IGF2BP3: variants seen among roughly 807,000 people sequenced by gnomAD.
IGF2BP3 encodes insulin like growth factor 2 mRNA binding protein 3.
IGF2BP3 carries 9 observed loss-of-function variants against 73.8 expected under a neutral mutation model. The ratio of observed to expected loss-of-function variants is 0.12; its 90% CI spans 0.07 to 0.21. The LOEUF is 0.21. Ranked by LOEUF, IGF2BP3 falls within the 10% of genes least tolerant of loss-of-function variation. IGF2BP3 has a pLI of 1.00. For missense variants in IGF2BP3, 542 were observed against 714.0 expected (o/e 0.76, Z 2.75); for synonymous variants, 258 against 256.7 (o/e 1.01, Z -0.05).
rs201829652 is a variant in IGF2BP3, at chr7:23,319,216, A to T, written c.1242T>A (p.Ala414=). ...TGCCGATGATGGCACCGACTGATAG[A>T]GCTGGGATAAACAGATGAACAGTCT... ...ETETVHLFIP[A]LSVGAIIGKQ... The change falls in exon 11 of 15, where the codon GCT becomes GCA. Residue 414 remains alanine (A), a synonymous_variant. Transcript: ENST00000258729. 6.2e-7 allele frequency: 1 copy of T among 1,613,720 alleles called. No individual in the cohort carries two copies. The highest frequency in any genetic ancestry group is 1.7e-5 in the Admixed American group (1 of 59,986).
chr7:23,446,242 G>A (rs1788060713), intron 2 of IGF2BP3, among the ~76,000 whole-genome samples: 1 of 152,156 alleles, frequency 6.6e-6, no homozygotes, highest in South Asian at 2.1e-4. Context: ...GTAAATTGGG[G>A]AAAGTAAAGT....
At chr7:23,334,384 C>G (rs1192760319) in intron 10 of IGF2BP3, among the ~76,000 whole-genome samples, 1 of 152,136 alleles carries the variant, frequency 6.6e-6, no homozygotes, top group African/African-American at 2.4e-5. Context: ...CTAGAACAAG[C>G]CTGTGTCAGG....
chr7:23,381,927 T>C (rs1299877288), intron 3 of IGF2BP3, among the ~76,000 whole-genome samples: 1 of 151,916 alleles, frequency 6.6e-6, no homozygotes, highest in African/African-American at 2.4e-5. Context: ...CAGTAATCAC[T>C]GGGCAAAGAT....
At chr7:23,454,057 A>T (rs1788259879) in intron 2 of IGF2BP3, among the ~76,000 whole-genome samples, 1 of 152,038 alleles carries the variant, frequency 6.6e-6, no homozygotes, top group African/African-American at 2.4e-5. Context: ...CAAACTCCTG[A>T]GCTCAAGCGA....
chr7:23,361,510 G>A, intron 5 of IGF2BP3, 24 bp downstream of exon 5: 1 of 1,587,052 alleles, frequency 6.3e-7, no homozygotes, highest in South Asian at 1.1e-5. Flanking sequence ...ATTATATATA[G>A]ATTAAAAGCT....
chr7:23,342,200 A>G lies in IGF2BP3; in HGVS notation c.1078-11T>C. 2 of 1,613,016 alleles carry G rather than the reference A, an allele frequency of 1.2e-6. No homozygotes were observed. The highest frequency in any genetic ancestry group is 1.7e-6 in the Non-Finnish European group (2 of 1,179,244). Reference sequence around the variant, plus strand: ...TAAATGTGCTTGAAGCTGCAACAGTAAAAAGGCCCCTTAATTTGACAATTA... The same window carrying G: ...TAAATGTGCTTGAAGCTGCAACAGTGAAAAGGCCCCTTAATTTGACAATTA... On this transcript the variant is annotated splice_polypyrimidine_tract_variant and intron_variant, in intron 9 of 14. Transcript: ENST00000258729.
At chr7:23,387,967 C>T (rs1198448390) in intron 3 of IGF2BP3, among the ~76,000 whole-genome samples, 2 of 151,848 alleles carry the variant, frequency 1.3e-5, no homozygotes, top group African/African-American at 2.4e-5. Context: ...GATGGAGTCT[C>T]GCTCTGTTGC....
At chr7:23,341,759 A>AAAAAAAG (rs1230349535) in intron 10 of IGF2BP3, among the ~76,000 whole-genome samples, 17 of 152,234 alleles carry the variant, frequency 1.1e-4, no homozygotes, top group African/African-American at 1.7e-4. Context: ...TTAGAATAAA[A>AAAAAAAG]AAAAAAGAAA....
chr7:23,352,278 A>ATTTTT (rs70966011), intron 5 of IGF2BP3, among the ~76,000 whole-genome samples: 2 of 73,772 alleles, frequency 2.7e-5, no homozygotes, highest in Non-Finnish European at 5.1e-5. Context: ...TCTCTTTTTC[A>ATTTTT]TTTTTTTTTT....
At chr7:23,379,080 G>A (rs1449175018) in intron 3 of IGF2BP3, among the ~76,000 whole-genome samples, 1 of 152,212 alleles carries the variant, frequency 6.6e-6, no homozygotes, top group Non-Finnish European at 1.5e-5. Context: ...CCCTCCATTA[G>A]CATTTGTTTC....
At chr7:23,418,662 G>C (rs1787260265) in intron 3 of IGF2BP3, 114 bp downstream of exon 3, 1 of 672,490 alleles carries the variant, frequency 1.5e-6, no homozygotes, top group African/African-American at 1.8e-5. Flanking sequence ...CATAGGAGAA[G>C]AATTTTATGT....
chr7:23,360,756 G>A (rs1450334599), intron 5 of IGF2BP3, among the ~76,000 whole-genome samples: 1 of 152,188 alleles, frequency 6.6e-6, no homozygotes, highest in Non-Finnish European at 1.5e-5. Context: ...CTGACACAGA[G>A]GACAGTCAGC....
In IGF2BP3 at chr7:23,325,997, T is replaced by C. The variant is rs564575053; in HGVS notation, c.1204-6743A>G. On this transcript the variant is annotated intron_variant, in intron 10 of 14. Coordinates refer to ENST00000258729, the MANE Select transcript of IGF2BP3 (RefSeq NM_006547.3). Reference sequence around the variant, plus strand: ...ACCCTAGGCATTACCATTCAGGACATAGGCATGGGCAAGGACTTCATGTCT... The same window carrying C: ...ACCCTAGGCATTACCATTCAGGACACAGGCATGGGCAAGGACTTCATGTCT... Among the ~76,000 whole-genome samples the C allele has an allele frequency of 6.6e-5, 10 of 152,252 alleles. No individual in the cohort carries two copies. In the South Asian group the frequency reaches 8.3e-4, roughly 13 times the overall value.
rs1319733336 is a variant in IGF2BP3 at position 23,368,349 on chromosome 7, A to AAG, written c.286-6610_286-6609dup. Among the ~76,000 whole-genome samples, 147 of 138,034 alleles carry AAG rather than the reference A, an allele frequency of 1.1e-3. 1 individual carries two copies. The highest frequency in any genetic ancestry group is 4.3e-3 in the African/African-American group (142 of 33,186). The allele number at this position is 138,034 out of a possible 152,430, so 90.6% of individuals were successfully genotyped here. ...AAGAAAAGAAAGAAAGAAAAAAAGA[A>AAG]AGAAAGAAAGAAAGAAAGAAAGAAA... On this transcript the variant is annotated intron_variant, in intron 3 of 14. Transcript: ENST00000258729.
intron 3 of IGF2BP3, among the ~76,000 whole-genome samples, chr7:23,399,907 A>G (rs972816117): frequency 1.8e-4 from 28 of 152,182 alleles, no homozygotes; most frequent in Non-Finnish European, 2.2e-4. Context: ...ATTCCTAAGA[A>G]AGGAATCACA....
At chr7:23,457,253 A>C (rs1427071030) in intron 2 of IGF2BP3, among the ~76,000 whole-genome samples, 1 of 152,174 alleles carries the variant, frequency 6.6e-6, no homozygotes, top group African/African-American at 2.4e-5. Context: ...ACTTGAGGTC[A>C]GGAGTTCAGA....
Position 23,312,825 on chromosome 7 carries a change from T to G in IGF2BP3, c.1551A>C (p.Ser517=), listed in dbSNP as rs1193458209. The G allele has an allele frequency of 4.4e-6, 7 of 1,608,776 alleles. No individual in the cohort carries two copies. Among genetic ancestry groups the G allele is most frequent in the Non-Finnish European group, 5.9e-6 (7 of 1,178,260 alleles). ...CACGAGGGACAACAACTTCTGCACT[T>G]GACAAATTCTGAAGTTCATTCACCT... ...GKTVNELQNL[S]SAEVVVPRDQ... is the part of the protein sequence containing the mutation. The change falls in exon 14 of 15, where the codon TCA becomes TCC. Residue 517 remains serine (S), a synonymous_variant. Coordinates refer to ENST00000258729, the MANE Select transcript of IGF2BP3 (RefSeq NM_006547.3).
intron 2 of IGF2BP3, among the ~76,000 whole-genome samples, chr7:23,443,644 G>A (rs1452422515): frequency 6.6e-6 from 1 of 151,878 alleles, no homozygotes; most frequent in African/African-American, 2.4e-5. Flanking sequence ...GCACATTCCA[G>A]CCTGGGCTAC....
chr7:23,466,035 T>C (rs1788559543), intron 2 of IGF2BP3, among the ~76,000 whole-genome samples: 1 of 151,918 alleles, frequency 6.6e-6, no homozygotes, highest in Non-Finnish European at 1.5e-5. Context: ...TTTTTTTTTT[T>C]TTTTGAGGTA....
Sources: allele counts gnomAD v4.1 joint callset (sites outside exome capture counted in the v4.1 genomes callset), GRCh38; gene constraint gnomAD v4.1.1; transcripts MANE v1.5; gene names NCBI Gene and HGNC (gene_info 2026-07-23, HGNC 2026-07-21).